The following LRRC74A variants were observed in gnomAD, a reference collection of about 807,000 sequenced individuals.
LRRC74A encodes the protein leucine rich repeat containing 74A, also known as leucine-rich repeat-containing protein 74A.
LRRC74A carries 44 observed loss-of-function variants against 57.9 expected under a neutral mutation model. The observed-to-expected ratio is 0.76, with a 90% CI of 0.60 to 0.98. The LOEUF (loss-of-function observed/expected upper bound fraction) is 0.98. Among genes scored for constraint, LRRC74A ranks in the 50% least tolerant of loss-of-function variants. LRRC74A has a pLI of 0.00. For synonymous variants in LRRC74A, 211 were observed against 219.4 expected (o/e 0.96, Z 0.34); for missense variants, 572 against 574.0 (o/e 1.00, Z 0.04).
chr14:76,826,409 C>T lies in LRRC74A; in HGVS notation c.-289C>T. On this transcript the variant is annotated 5_prime_UTR_variant, in exon 1 of 14. Transcript: ENST00000689127. ...CACAGGCGGGTGGGGATCCTTTCAA[C>T]AGGGCTCCCAGCAATAGAGCAGTCC... 1.0e-6 allele frequency: 1 copy of T among 997,168 alleles called. No homozygotes were observed. The highest frequency in any genetic ancestry group is 1.6e-5 in the African/African-American group (1 of 61,176). 61.8% of individuals were successfully genotyped at this position (997,168 alleles called of 1,614,324 possible).
chr14:76,860,192 C>G (rs907202737), intron 10 of LRRC74A, among the ~76,000 whole-genome samples: 3 of 152,198 alleles, frequency 2.0e-5, no homozygotes, highest in Non-Finnish European at 4.4e-5. Context: ...CAGGTTTGAT[C>G]AAACACTATT....
intron 3 of LRRC74A, among the ~76,000 whole-genome samples, chr14:76,834,677 T>G (rs894556539): frequency 4.6e-5 from 7 of 152,132 alleles, no homozygotes; most frequent in African/African-American, 1.2e-4. Context: ...AAATAGACAA[T>G]GGCCCGTGTG....
chr14:76,835,136 G>C (rs1415365564), intron 3 of LRRC74A, among the ~76,000 whole-genome samples: 1 of 152,178 alleles, frequency 6.6e-6, no homozygotes, highest in East Asian at 1.9e-4. Flanking sequence ...TCTGATTAGA[G>C]CTAACCCAAG....
chr14:76,837,571 G>C (rs2140268618), intron 4 of LRRC74A, among the ~76,000 whole-genome samples: 1 of 152,274 alleles, frequency 6.6e-6, no homozygotes. Flanking sequence ...AAACAAAATA[G>C]TATGCTTATC....
intron 9 of LRRC74A, among the ~76,000 whole-genome samples, chr14:76,854,502 G>A (rs1346195855): frequency 2.6e-5 from 4 of 152,172 alleles, no homozygotes; most frequent in Non-Finnish European, 5.9e-5. Flanking sequence ...AACTACTTGG[G>A]AGGCTGAGGC....
intron 3 of LRRC74A, among the ~76,000 whole-genome samples, chr14:76,835,706 C>T (rs1425961431): frequency 2.0e-5 from 3 of 151,828 alleles, no homozygotes; most frequent in African/African-American, 7.3e-5. Flanking sequence ...GCAACATAGA[C>T]CCCGTCTCAA....
intron 9 of LRRC74A, among the ~76,000 whole-genome samples, chr14:76,854,997 G>A (rs562093498): frequency 3.3e-5 from 5 of 152,318 alleles, no homozygotes; most frequent in South Asian, 2.1e-4. Flanking sequence ...CCTGCTGTAC[G>A]TGGTTTTCCA....
intron 7 of LRRC74A, among the ~76,000 whole-genome samples, chr14:76,851,786 C>T (rs1366148287): frequency 2.0e-5 from 3 of 151,470 alleles, no homozygotes; most frequent in Non-Finnish European, 4.4e-5. Context: ...CTGCCTCAGC[C>T]TCCTGAGTAG....
chr14:76,835,816 G>A (rs1274897805), intron 3 of LRRC74A, among the ~76,000 whole-genome samples: 1 of 152,192 alleles, frequency 6.6e-6, no homozygotes, highest in Non-Finnish European at 1.5e-5. Context: ...CAAAATCAAT[G>A]CTTTAAAGGA....
intron 2 of LRRC74A, chr14:76,828,816 A>G: frequency 2.4e-6 from 1 of 411,468 alleles, no homozygotes; most frequent in Admixed American, 2.8e-5. Context: ...GATTATAGGC[A>G]TTGCCCAGGG....
rs61738711 is a variant in LRRC74A, at chr14:76,867,409, C to G, written c.1362C>G (p.Leu454=). The G allele has an allele frequency of 5.6e-5, 90 of 1,602,348 alleles. No homozygotes were observed. The African/African-American group carries it at 1.0e-3, about 18-fold the overall frequency. The part of the protein sequence containing the change: ...QYQVREVIKK[L]DEKTGMVNFS... ...AGGTCAGGGAGGTGATAAAGAAGCT[C>G]GATGAGAAGACAGGCATGGTGAACT... The change falls in exon 13 of 14, where the codon CTC becomes CTG. Residue 454 remains leucine, a synonymous_variant. Coordinates refer to ENST00000689127, the MANE Select transcript of LRRC74A (RefSeq NM_001385106.1).
At chr14:76,861,006 G>A (rs1174579643) in intron 11 of LRRC74A, among the ~76,000 whole-genome samples, 167 bp downstream of exon 11, 2 of 152,164 alleles carry the variant, frequency 1.3e-5, no homozygotes, top group Admixed American at 6.5e-5. Flanking sequence ...AATATTCTCC[G>A]TGGCTACCAG....
intron 2 of LRRC74A, chr14:76,829,121 A>T (rs1895796238): frequency 7.8e-7 from 1 of 1,289,310 alleles, no homozygotes; most frequent in African/African-American, 1.5e-5. Context: ...CCGAAAGAGA[A>T]CACTTGTGAA....
intron 5 of LRRC74A, among the ~76,000 whole-genome samples, chr14:76,838,372 T>G (rs899626945): frequency 9.9e-5 from 15 of 152,174 alleles, no homozygotes; most frequent in African/African-American, 3.6e-4. Flanking sequence ...CACCAAGGGT[T>G]TCTTACAATG....
At chr14:76,827,048 A>C (rs1895625115) in intron 1 of LRRC74A, among the ~76,000 whole-genome samples, 1 of 152,236 alleles carries the variant, frequency 6.6e-6, no homozygotes, top group Non-Finnish European at 1.5e-5. Context: ...TAACACTATA[A>C]ATCAGGATGT....
At chr14:76,859,719 A>C (rs1459475050) in intron 10 of LRRC74A, among the ~76,000 whole-genome samples, 4 of 122,342 alleles carry the variant, frequency 3.3e-5, no homozygotes, top group Admixed American at 1.1e-4. Flanking sequence ...TCTGTCGCCC[A>C]GGCTGGAGTG....
intron 9 of LRRC74A, among the ~76,000 whole-genome samples, chr14:76,855,837 T>C (rs1460713243): frequency 1.3e-5 from 2 of 152,190 alleles, no homozygotes; most frequent in African/African-American, 2.4e-5. Flanking sequence ...GAACTATTGT[T>C]CATTGACAGC....
chr14:76,851,993 T>G (rs942256320), intron 7 of LRRC74A, among the ~76,000 whole-genome samples: 1 of 152,174 alleles, frequency 6.6e-6, no homozygotes, highest in Non-Finnish European at 1.5e-5. Flanking sequence ...GATGCCATGG[T>G]AAACATCTAC....
At chr14:76,855,364 A>C (rs1162289589) in intron 9 of LRRC74A, among the ~76,000 whole-genome samples, 6 of 152,204 alleles carry the variant, frequency 3.9e-5, no homozygotes, top group Admixed American at 3.9e-4. Flanking sequence ...AAGATTAAGC[A>C]GTTGCCTCAG....
Sources: allele counts gnomAD v4.1 joint callset (sites outside exome capture counted in the v4.1 genomes callset), GRCh38; gene constraint gnomAD v4.1.1; transcripts MANE v1.5; gene names NCBI Gene and HGNC (gene_info 2026-07-23, HGNC 2026-07-21).